The following INTS2 variants were observed in gnomAD, a reference collection of about 807,000 sequenced individuals.
The protein encoded by INTS2 is integrator complex subunit 2, also known as KIAA1287.
INTS2 carries 57 observed loss-of-function variants against 139.6 expected under a neutral mutation model. The observed-to-expected ratio is 0.41, with a 90% CI of 0.33 to 0.51. The LOEUF is 0.51. INTS2 is among the 20% of genes least tolerant of loss of function. INTS2 has a pLI of 0.28. For missense variants in INTS2, 1,196 were observed against 1,436.7 expected (o/e 0.83, Z 2.71); for synonymous variants, 473 against 493.4 (o/e 0.96, Z 0.55).
Position 61,887,416 on chromosome 17 carries a change from G to A in INTS2, c.1984+2370C>T, listed in dbSNP as rs543762639. ...GAGAATCACTGGAACCCGGGAGGTG[G>A]AGGTTGCAGTGAGCTGAGATCGTGC... is the stretch of plus-strand genomic sequence containing the variant. On this transcript the variant is annotated intron_variant, in intron 15 of 24. Transcript: ENST00000251334. 7.0e-4 allele frequency among the ~76,000 whole-genome samples: 106 copies of A among 150,890 alleles called. 1 individual carries two copies. The highest frequency in any genetic ancestry group is 2.5e-3 in the African/African-American group (102 of 40,980).
At chr17:61,877,716 C>T (rs1231986436) in intron 18 of INTS2, among the ~76,000 whole-genome samples, 171 bp downstream of exon 18, 1 of 152,130 alleles carries the variant, frequency 6.6e-6, no homozygotes, top group South Asian at 2.1e-4. Context: ...GTTTGCTTTA[C>T]TTAAAGATAT....
At chr17:61,892,412 C>G (rs1003645329) in intron 13 of INTS2, among the ~76,000 whole-genome samples, 1 of 152,132 alleles carries the variant, frequency 6.6e-6, no homozygotes, top group Admixed American at 6.6e-5. Flanking sequence ...TAAGACAAAT[C>G]AAAACATGTC....
Position 61,919,428 on chromosome 17 carries a change from C to T in INTS2, c.621G>A (p.Val207=). 6.3e-7 allele frequency: 1 copy of T among 1,590,698 alleles called. No homozygotes were observed. Among genetic ancestry groups the T allele is most frequent in the Non-Finnish European group, 8.6e-7 (1 of 1,164,306 alleles). ...CATTAAAACTATCAGGAACATTGGC[C>T]ACCAAGAGACACAAGAACCAGGCAC... ...RNGAWFLCLL[V]ANVPDSFNEV... Residue 207 remains valine, a synonymous_variant, in exon 5 of 25, where the codon GTG becomes GTA. Coordinates refer to ENST00000251334, the MANE Select transcript of INTS2 (RefSeq NM_001351695.2).
intron 5 of INTS2, among the ~76,000 whole-genome samples, chr17:61,915,492 C>T (rs1209126098): frequency 3.3e-5 from 5 of 150,138 alleles, no homozygotes; most frequent in African/African-American, 1.2e-4. Flanking sequence ...CGCCACTGCA[C>T]TCCAGCCTGT....
In INTS2 at chr17:61,870,007, T is replaced by C. The variant is rs529221126; in HGVS notation, c.2779-19A>G. The C allele has an allele frequency of 3.7e-5, 58 of 1,579,886 alleles. No homozygotes were observed. The highest frequency in any genetic ancestry group is 2.3e-4 in the South Asian group (20 of 86,604). ...CACTATCCTATAAGCAAACAAAACA[T>C]AGAAAAAGTAAGAAGTTTCTAAGAA... On this transcript the variant is annotated intron_variant, in intron 20 of 24. Transcript: ENST00000251334. This position sits in a 1 kb window ranked among gnomAD's most constrained non-coding sequence, Gnocchi z 4.4.
At chr17:61,895,292 T>C (rs759695588) in intron 12 of INTS2, 23 bp downstream of exon 12, 5 of 1,388,756 alleles carry the variant, frequency 3.6e-6, no homozygotes, top group Non-Finnish European at 5.0e-6. Flanking sequence ...GTTAAATAAG[T>C]ACCTAAGAAT....
At chr17:61,918,357 TCAGCCTC>T (rs2079604334) in intron 5 of INTS2, among the ~76,000 whole-genome samples, 1 of 152,140 alleles carries the variant, frequency 6.6e-6, no homozygotes, top group South Asian at 2.1e-4. Flanking sequence ...TTCTCCTGTC[TCAGCCTC>T]CTGAGTAGCT....
chr17:61,867,553 T>G lies in INTS2; in HGVS notation c.*4A>C, dbSNP rs1567884675. ...AACAACTTTTTGTTGTTTTAAATTTTGTTTTAAATTCCACTAACACTCATA... is the reference window on the plus strand; with the variant it reads ...AACAACTTTTTGTTGTTTTAAATTTGGTTTTAAATTCCACTAACACTCATA... On this transcript the variant is annotated 3_prime_UTR_variant, in exon 25 of 25. Coordinates refer to ENST00000251334, the MANE Select transcript of INTS2 (RefSeq NM_001351695.2). This position sits in a 1 kb window ranked among gnomAD's most constrained non-coding sequence, Gnocchi z 5.6. 6.3e-7 allele frequency: 1 copy of G among 1,579,488 alleles called. No individual in the cohort carries two copies. The highest frequency in any genetic ancestry group is 2.3e-5 in the East Asian group (1 of 44,414).
At position 61,872,260 on chromosome 17, in the gene INTS2, T is replaced by G. The variant is rs375857133; in HGVS notation, c.2778+5A>C. 1 of 1,605,714 alleles carries G rather than the reference T, an allele frequency of 6.2e-7. No individual in the cohort carries two copies. Among genetic ancestry groups the G allele is most frequent in the African/African-American group, 1.3e-5 (1 of 74,694 alleles). On this transcript the variant is annotated splice_donor_5th_base_variant and intron_variant, in intron 20 of 24. Coordinates refer to ENST00000251334, the MANE Select transcript of INTS2 (RefSeq NM_001351695.2). This position sits in a 1 kb window ranked among gnomAD's most constrained non-coding sequence, Gnocchi z 4.8. ...TTGACTAAATTTTACTTTAGCAAAA[T>G]TTACCTGAGCGGCCAGTAATGCATT...
intron 5 of INTS2, among the ~76,000 whole-genome samples, chr17:61,915,723 C>A (rs1380056507): frequency 7.4e-6 from 1 of 135,548 alleles, no homozygotes; most frequent in Non-Finnish European, 1.6e-5. Context: ...CCCAGCTACT[C>A]GGGAGGCTGA....
At chr17:61,877,135 T>C (rs1211694649) in intron 18 of INTS2, among the ~76,000 whole-genome samples, 1 of 152,182 alleles carries the variant, frequency 6.6e-6, no homozygotes, top group South Asian at 2.1e-4. Flanking sequence ...AACCTTCACC[T>C]TGTAGAGTAG....
Position 61,867,633 on chromosome 17 carries a change from T to A in INTS2, c.3515A>T (p.Asp1172Val). 1.2e-6 allele frequency: 2 copies of A among 1,611,624 alleles called. No homozygotes were observed. The highest frequency in any genetic ancestry group is 1.7e-6 in the Non-Finnish European group (2 of 1,177,846). The part of the protein sequence containing the change: ...KNGSRDTGSM[D>V]PDVQLCHCIE... ...ACAGTGACAGAGCTGTACATCAGGA[T>A]CCATGCTTCCAGTGTCCCTGGATCC... The change falls in exon 25 of 25, where the codon GAT becomes GTT. Residue 1172 changes from aspartate (D) to valine (V), a missense_variant. By Grantham distance (152) the Asp-to-Val change is radical. This residue lies in a region of INTS2 where 1,129 missense variants were observed against 1,341.9 expected (regional missense o/e 0.84). Coordinates refer to ENST00000251334, the MANE Select transcript of INTS2 (RefSeq NM_001351695.2). This position sits in a 1 kb window ranked among gnomAD's most constrained non-coding sequence, Gnocchi z 5.6.
rs2079657956 is a variant in INTS2, at chr17:61,922,553, C to T, written c.433-726G>A. 6.3e-5 allele frequency among the ~76,000 whole-genome samples: 4 copies of T among 63,810 alleles called. No individual in the cohort carries two copies. The South Asian group carries it at 1.8e-3, about 28-fold the overall frequency. The allele number at this position is 63,810 out of a possible 152,430, so 41.9% of individuals were successfully genotyped here. A position where few individuals can be genotyped will look rare whatever the true frequency, so the allele number is the denominator to read the frequency against. ...ATATATATATATATATATACGTGTT[C>T]AATTCTGAATAAACTGTTGGAAAAA... On this transcript the variant is annotated intron_variant, in intron 3 of 24. Coordinates refer to ENST00000251334, the MANE Select transcript of INTS2 (RefSeq NM_001351695.2).
chr17:61,912,151 G>A, intron 5 of INTS2, 81 bp from the exon 6 acceptor site: 2 of 1,450,780 alleles, frequency 1.4e-6, no homozygotes, highest in Non-Finnish European at 1.9e-6. Context: ...AAAAGGATCA[G>A]GGTATTTGAA....
chr17:61,906,068 G>C (rs1355177765), intron 8 of INTS2, among the ~76,000 whole-genome samples: 1 of 152,108 alleles, frequency 6.6e-6, no homozygotes, highest in African/African-American at 2.4e-5. Flanking sequence ...TCCAAAAACT[G>C]TTTCCATGTT....
At chr17:61,919,379 C>A (rs748613495) in intron 5 of INTS2, 21 bp downstream of exon 5, 51 of 1,220,390 alleles carry the variant, frequency 4.2e-5, no homozygotes, top group Non-Finnish European at 5.8e-5. Context: ...TTTCAATATA[C>A]CATATTAGAA....
At position 61,895,657 on chromosome 17, in the gene INTS2, C is replaced by T. The variant is rs571487440; in HGVS notation, c.1495-274G>A. On this transcript the variant is annotated intron_variant, in intron 11 of 24. Coordinates refer to ENST00000251334, the MANE Select transcript of INTS2 (RefSeq NM_001351695.2). ...CTACATGGAGCTAGGATAGCTGCCC[C>T]TCTGTGAGGCCAAGAGAAATATGTG... is the stretch of plus-strand genomic sequence containing the variant. 5.9e-5 allele frequency among the ~76,000 whole-genome samples: 9 copies of T among 152,184 alleles called. 1 individual carries two copies. The highest frequency in any genetic ancestry group is 2.2e-4 in the African/African-American group (9 of 41,530).
At position 61,869,967 on chromosome 17, in the gene INTS2, G is replaced by A; in HGVS notation, c.2800C>T (p.Leu934Phe). ...AAQDSAAVQI[L>F]LEICLPTEEE... ...TCAGTAGGTAGGCAAATCTCTAAGA[G>A]AATCTGGACAGCTGCACTATCCTAT... is the stretch of plus-strand genomic sequence containing the variant. Residue 934 changes from leucine to phenylalanine, a missense_variant, in exon 21 of 25, where the codon CTC becomes TTC. Transcript: ENST00000251334. The surrounding 1 kb of genome is among the most constrained non-coding windows in gnomAD (Gnocchi z 5.4). The A allele has an allele frequency of 2.5e-6, 4 of 1,613,500 alleles. No individual in the cohort carries two copies. The highest frequency in any genetic ancestry group is 3.4e-6 in the Non-Finnish European group (4 of 1,179,720).
rs184104609 is a variant in INTS2 at position 61,890,157 on chromosome 17, C to T, written c.1876-263G>A. Among the ~76,000 whole-genome samples the T allele has an allele frequency of 5.3e-4, 81 of 152,168 alleles. No individual in the cohort carries two copies. The East Asian group carries it at 0.015, about 28-fold the overall frequency. ...CTTCAGCTACTACTCAATAGCAAAC[C>T]CATCAGGCTGCTTCTGAAAGACAGG... On this transcript the variant is annotated intron_variant, in intron 14 of 24. Coordinates refer to ENST00000251334, the MANE Select transcript of INTS2 (RefSeq NM_001351695.2).
Sources: gnomAD v4.1 joint callset for allele counts (sites outside exome capture counted in the v4.1 genomes callset) on GRCh38, gnomAD v4.1.1 for gene constraint, gnomAD v4.1.1 regional missense constraint, Gnocchi (gnomAD v3.1) non-coding constraint, MANE v1.5 for transcripts, NCBI Gene and HGNC (gene_info 2026-07-23, HGNC 2026-07-21) for gene names.